Variants in PACRGL observed in about 807,000 individuals in gnomAD.
PACRGL encodes the protein PACRG-like protein.
PACRGL carries 38 observed loss-of-function variants against 34.5 expected under a neutral mutation model. The ratio of observed to expected loss-of-function variants is 1.10; its 90% CI spans 0.85 to 1.44. The LOEUF (loss-of-function observed/expected upper bound fraction) is 1.44. PACRGL is among the 40% of genes most tolerant of loss of function. PACRGL has a pLI of 0.00. For synonymous variants in PACRGL, 128 were observed against 100.1 expected (o/e 1.28, Z -1.66); for missense variants, 305 against 281.4 (o/e 1.08, Z -0.60).
At chr4:20,741,111 C>G (rs1016044316) in intron 8 of PACRGL, among the ~76,000 whole-genome samples, 1 of 152,124 alleles carries the variant, frequency 6.6e-6, no homozygotes, top group African/African-American at 2.4e-5. Context: ...GACTCCCACA[C>G]AATAATAATG....
rs1747026776 is a variant in PACRGL, at chr4:20,729,124, T to TGAATGGCTTGTAATATAAA, written c.*1784_*1802dup. On this transcript the variant is annotated 3_prime_UTR_variant, in exon 9 of 9. Coordinates refer to ENST00000503585, the MANE Select transcript of PACRGL (RefSeq NM_001258345.3). Reference sequence around the variant, plus strand: ...TAGTCAAGGTTTCTTTCTTTGTCCCTGAATGGCTTGTAATATAAATAAACA... The same window carrying TGAATGGCTTGTAATATAAA: ...TAGTCAAGGTTTCTTTCTTTGTCCCTGAATGGCTTGTAATATAAAGAATGGCTTGTAATATAAATAAACA... 6.6e-6 allele frequency: 1 copy of TGAATGGCTTGTAATATAAA among 151,900 alleles called. No homozygotes were observed. Among genetic ancestry groups the TGAATGGCTTGTAATATAAA allele is most frequent in the Non-Finnish European group, 1.5e-5 (1 of 68,008 alleles). The allele number at this position is 151,900 out of a possible 1,614,324, so 9.4% of individuals were successfully genotyped here.
chr4:20,711,267 C>CT (rs1271078026), intron 5 of PACRGL, among the ~76,000 whole-genome samples: 1 of 152,040 alleles, frequency 6.6e-6, no homozygotes, highest in Non-Finnish European at 1.5e-5. Context: ...TAAAGGGACT[C>CT]TAACTTCTGC....
At chr4:20,717,843 T>G (rs1303288725) in intron 7 of PACRGL, among the ~76,000 whole-genome samples, 1 of 147,158 alleles carries the variant, frequency 6.8e-6, no homozygotes, top group African/African-American at 2.5e-5. Context: ...ATATGAACTT[T>G]AAAGTAGTTC....
At chr4:20,724,954 T>C (rs1745004554) in intron 8 of PACRGL, 66 bp downstream of exon 8, 1 of 875,312 alleles carries the variant, frequency 1.1e-6, no homozygotes. Flanking sequence ...AATTGACATA[T>C]ATATATATTT....
At chr4:20,745,244 C>T (rs1007531582) in intron 8 of PACRGL, among the ~76,000 whole-genome samples, 2 of 151,990 alleles carry the variant, frequency 1.3e-5, no homozygotes, top group African/African-American at 2.4e-5. Flanking sequence ...GTATCCTTTT[C>T]TAGTATTTGT....
chr4:20,717,733 G>A (rs1384664364), intron 7 of PACRGL, among the ~76,000 whole-genome samples: 2 of 152,176 alleles, frequency 1.3e-5, no homozygotes, highest in African/African-American at 4.8e-5. Context: ...TCTGGTTACT[G>A]TAGCCTTGTA....
intron 8 of PACRGL, among the ~76,000 whole-genome samples, chr4:20,747,323 C>G (rs923654636): frequency 5.9e-5 from 9 of 152,264 alleles, no homozygotes; most frequent in African/African-American, 2.2e-4. Flanking sequence ...CCTCTGGAAG[C>G]CAGCTATAAA....
chr4:20,755,312 C>T (rs1476973974), downstream of PACRGL, among the ~76,000 whole-genome samples: 1 of 151,984 alleles, frequency 6.6e-6, no homozygotes, highest in Non-Finnish European at 1.5e-5. Flanking sequence ...TAGCTAAAAC[C>T]AAATGGATTA....
rs1747272474 is a variant in PACRGL, at chr4:20,729,487, T to TAATAATTTTTAAATGTTTA, written c.*2149_*2167dup. 2 of 119,006 alleles carry TAATAATTTTTAAATGTTTA rather than the reference T, an allele frequency of 1.7e-5. No homozygotes were observed. The highest frequency in any genetic ancestry group is 7.3e-5 in the African/African-American group (2 of 27,246). 7.4% of individuals were successfully genotyped at this position (119,006 alleles called of 1,614,324 possible). On this transcript the variant is annotated 3_prime_UTR_variant, in exon 9 of 9. Coordinates refer to ENST00000503585, the MANE Select transcript of PACRGL (RefSeq NM_001258345.3). Reference sequence around the variant, plus strand: ...GATAATAAACTAATTTTTAAATGTTTAATAATTTTTAAATGTTTAAAAATG... The same window carrying TAATAATTTTTAAATGTTTA: ...GATAATAAACTAATTTTTAAATGTTTAATAATTTTTAAATGTTTAAATAATTTTTAAATGTTTAAAAATG...
rs1367946316 is a variant in PACRGL, at chr4:20,731,530, C to T, written c.*4189C>T. ...TGTGACTGAAGACCATTAGTGAGTT[C>T]AGTCAAAGAGCCATTTCTTGTCCAC... is the stretch of plus-strand genomic sequence containing the variant. On this transcript the variant is annotated 3_prime_UTR_variant, in exon 9 of 9. Transcript: ENST00000503585. 3 of 985,254 alleles carry T rather than the reference C, an allele frequency of 3.0e-6. No homozygotes were observed. The highest frequency in any genetic ancestry group is 3.6e-6 in the Non-Finnish European group (3 of 829,908). The allele number at this position is 985,254 out of a possible 1,614,324, so 61.0% of individuals were successfully genotyped here. A position where few individuals can be genotyped will look rare whatever the true frequency, so the allele number is the denominator to read the frequency against.
At chr4:20,710,125 T>G (rs1450178633) in intron 5 of PACRGL, among the ~76,000 whole-genome samples, 1 of 152,176 alleles carries the variant, frequency 6.6e-6, no homozygotes, top group African/African-American at 2.4e-5. Flanking sequence ...AACTGTCAGA[T>G]AGTGGTAAGT....
intron 7 of PACRGL, among the ~76,000 whole-genome samples, chr4:20,724,063 C>G (rs1294184030): frequency 6.6e-6 from 1 of 152,100 alleles, no homozygotes; most frequent in Non-Finnish European, 1.5e-5. Flanking sequence ...TTTTTCAAAA[C>G]CAGTTACTGA....
Position 20,729,650 on chromosome 4 carries a change from ATTAAT to A in PACRGL, c.*2317_*2321del, listed in dbSNP as rs141479728. ...GGAATTACAGCATTCAAACATGAAA[ATTAAT>A]TTAATTTCTGGAAATTAAATGCAGA... On this transcript the variant is annotated 3_prime_UTR_variant, in exon 9 of 9. Coordinates refer to ENST00000503585, the MANE Select transcript of PACRGL (RefSeq NM_001258345.3). The A allele has an allele frequency of 0.047, 7,187 of 153,416 alleles. 207 individuals carry two copies. Among genetic ancestry groups the A allele is most frequent in the Middle Eastern group, 0.06 (18 of 298 alleles). The allele number at this position is 153,416 out of a possible 1,614,324, so 9.5% of individuals were successfully genotyped here. A position where few individuals can be genotyped will look rare whatever the true frequency, so the allele number is the denominator to read the frequency against.
chr4:20,766,553 A>C, the PACRGL span, among the ~76,000 whole-genome samples: 4 of 152,094 alleles, frequency 2.6e-5, 1 homozygote, highest in Admixed American at 2.6e-4. Context: ...GTGACAGAGC[A>C]AAACTCCATC....
chr4:20,702,393 A>G (rs1265070985), intron 1 of PACRGL, among the ~76,000 whole-genome samples: 1 of 152,186 alleles, frequency 6.6e-6, no homozygotes, highest in Non-Finnish European at 1.5e-5. Flanking sequence ...GTAGCCCAAG[A>G]TGTTAAGCCA....
intron 8 of PACRGL, among the ~76,000 whole-genome samples, chr4:20,745,434 A>C (rs1188661848): frequency 6.6e-6 from 1 of 152,182 alleles, no homozygotes; most frequent in Non-Finnish European, 1.5e-5. Context: ...TTTCGTGCAA[A>C]AGAAAAATGA....
chr4:20,721,342 G>C (rs1355689069), intron 7 of PACRGL, among the ~76,000 whole-genome samples: 1 of 152,098 alleles, frequency 6.6e-6, no homozygotes, highest in Admixed American at 6.5e-5. Flanking sequence ...GTCATTCTCC[G>C]TCCAGCTTAG....
chr4:20,745,214 A>AT (rs57544923), intron 8 of PACRGL, among the ~76,000 whole-genome samples: 9,721 of 151,108 alleles, frequency 0.064, 380 homozygotes, highest in Non-Finnish European at 0.096. Context: ...TGAAATTACC[A>AT]TTTTTTTTTG....
At chr4:20,707,775 A>G (rs771090342) in intron 3 of PACRGL, 28 bp from the exon 4 acceptor site, 1 of 1,591,524 alleles carries the variant, frequency 6.3e-7, no homozygotes, top group African/African-American at 1.3e-5. Flanking sequence ...AGTATAGGTG[A>G]TAGTAATATT....
Sources: gnomAD v4.1 joint callset for allele counts (sites outside exome capture counted in the v4.1 genomes callset) on GRCh38, gnomAD v4.1.1 for gene constraint, MANE v1.5 for transcripts, NCBI Gene and HGNC (gene_info 2026-07-23, HGNC 2026-07-21) for gene names.